PTPRN2: variants seen among roughly 807,000 people sequenced by gnomAD.
PTPRN2 encodes receptor-type tyrosine-protein phosphatase N2.
PTPRN2 carries 74 observed loss-of-function variants against 118.8 expected under a neutral mutation model. That is an observed-to-expected ratio of 0.62 (90% CI 0.52 to 0.76). The LOEUF (loss-of-function observed/expected upper bound fraction) is 0.76. PTPRN2 is among the 30% of genes least tolerant of loss of function. The pLI is 0.00. For synonymous variants in PTPRN2, 641 were observed against 608.0 expected (o/e 1.05, Z -0.80); for missense variants, 1,481 against 1,394.4 (o/e 1.06, Z -0.99).
chr7:157,916,269 G>A (rs1470110097), intron 11 of PTPRN2, among the ~76,000 whole-genome samples: 1 of 152,180 alleles, frequency 6.6e-6, no homozygotes, highest in Non-Finnish European at 1.5e-5. Context: ...CTGGGTCAGA[G>A]GGTCTCACCC....
chr7:158,138,433 G>A lies in PTPRN2; in HGVS notation c.993C>T (p.Gly331=), dbSNP rs1327283778. ...VRGLSGLELD[G]MAELMAGLMQ... Reference sequence around the variant, plus strand: ...TCAGGCCAGCCATCAGCTCAGCCATGCCGTCCAGCTCCAGGCCACTCAGGC... The same window carrying A: ...TCAGGCCAGCCATCAGCTCAGCCATACCGTCCAGCTCCAGGCCACTCAGGC... The change falls in exon 7 of 23, where the codon GGC becomes GGT. Residue 331 remains glycine (G), a synonymous_variant. Transcript: ENST00000389418. The A allele has an allele frequency of 6.2e-7, 1 of 1,613,270 alleles. No homozygotes were observed. Among genetic ancestry groups the A allele is most frequent in the Non-Finnish European group, 8.5e-7 (1 of 1,179,932 alleles).
chr7:158,333,799 G>A (rs1483125949), intron 2 of PTPRN2, among the ~76,000 whole-genome samples: 1 of 142,442 alleles, frequency 7.0e-6, no homozygotes, highest in African/African-American at 2.6e-5. Context: ...CTCACCATAA[G>A]AGCTGAGGCC....
intron 11 of PTPRN2, among the ~76,000 whole-genome samples, chr7:157,900,368 T>C (rs1436364299): frequency 6.6e-6 from 1 of 152,228 alleles, no homozygotes; most frequent in Admixed American, 6.5e-5. Context: ...CAGACTGTGG[T>C]TGCCAAGAGG....
chr7:157,605,996 C>T (rs1348477324), intron 15 of PTPRN2, among the ~76,000 whole-genome samples: 1 of 152,210 alleles, frequency 6.6e-6, no homozygotes, highest in African/African-American at 2.4e-5. Context: ...ATTCATGGCA[C>T]CCAGGCTGTT....
rs997258361 is a variant in PTPRN2 at position 158,555,156 on chromosome 7, C to T, written c.112+32402G>A. Among the ~76,000 whole-genome samples the T allele has an allele frequency of 6.6e-6, 1 of 152,166 alleles. No individual in the cohort carries two copies. The highest frequency in any genetic ancestry group is 1.5e-5 in the Non-Finnish European group (1 of 68,026). On this transcript the variant is annotated intron_variant, in intron 1 of 22. Coordinates refer to ENST00000389418, the MANE Select transcript of PTPRN2 (RefSeq NM_002847.5). This position sits in a 1 kb window ranked among gnomAD's most constrained non-coding sequence, Gnocchi z 4.7. Reference sequence around the variant, plus strand: ...TGAGAACAAACGGATCTCCGGTGCTCAGCAGACTGATCTACTGCAAATCAC... The same window carrying T: ...TGAGAACAAACGGATCTCCGGTGCTTAGCAGACTGATCTACTGCAAATCAC...
chr7:157,962,024 A>T (rs1475790228), intron 11 of PTPRN2, among the ~76,000 whole-genome samples: 1 of 152,164 alleles, frequency 6.6e-6, no homozygotes, highest in Non-Finnish European at 1.5e-5. Flanking sequence ...CCTGCTGAAG[A>T]GGCCTCAGTG....
At chr7:158,150,006 A>T (rs1465895458) in intron 6 of PTPRN2, among the ~76,000 whole-genome samples, 3 of 152,258 alleles carry the variant, frequency 2.0e-5, no homozygotes, top group African/African-American at 7.2e-5. Flanking sequence ...CTCATTACAG[A>T]CACATCAGAT....
In PTPRN2 at chr7:157,990,344, G is replaced by A. The variant is rs539497731; in HGVS notation, c.1723+90954C>T. On this transcript the variant is annotated intron_variant, in intron 11 of 22. Coordinates refer to ENST00000389418, the MANE Select transcript of PTPRN2 (RefSeq NM_002847.5). This position sits in a 1 kb window ranked among gnomAD's most constrained non-coding sequence, Gnocchi z 4.3. Reference sequence around the variant, plus strand: ...GCACAGAGGGGAGGGACGGGGACAGGTGCAGCAGAGATTGGGCACGGGCCA... The same window carrying A: ...GCACAGAGGGGAGGGACGGGGACAGATGCAGCAGAGATTGGGCACGGGCCA... Among the ~76,000 whole-genome samples, 4 of 152,160 alleles carry A rather than the reference G, an allele frequency of 2.6e-5. No individual in the cohort carries two copies. Among genetic ancestry groups the A allele is most frequent in the Non-Finnish European group, 5.9e-5 (4 of 68,022 alleles).
chr7:158,331,746 GTCAC>G lies in PTPRN2; in HGVS notation c.164-14818_164-14815del, dbSNP rs1159110389. On this transcript the variant is annotated intron_variant, in intron 2 of 22. Transcript: ENST00000389418. ...ACCATAAGAGCTGACACCTGCAGACGTCACTCAAACTCACACTCTCACCATAAGA... is the reference window on the plus strand; with the variant it reads ...ACCATAAGAGCTGACACCTGCAGACGTCAAACTCACACTCTCACCATAAGA... 3.7e-4 allele frequency among the ~76,000 whole-genome samples: 55 copies of G among 150,488 alleles called. No individual in the cohort carries two copies. In the East Asian group the frequency reaches 5.1e-3, roughly 14 times the overall value.
chr7:158,046,830 T>C (rs748537291), intron 11 of PTPRN2, among the ~76,000 whole-genome samples: 5 of 152,182 alleles, frequency 3.3e-5, no homozygotes, highest in Non-Finnish European at 7.3e-5. Flanking sequence ...CATCTGCCAT[T>C]GAGGCGCCGA....
At chr7:157,566,219 G>T (rs1799479093) in intron 21 of PTPRN2, among the ~76,000 whole-genome samples, 1 of 152,260 alleles carries the variant, frequency 6.6e-6, no homozygotes, top group South Asian at 2.1e-4. Flanking sequence ...GACTGCCCGG[G>T]AAGCTTGGGA....
At position 157,888,117 on chromosome 7, in the gene PTPRN2, C is replaced by T. The variant is rs113654129; in HGVS notation, c.1788+10556G>A. On this transcript the variant is annotated intron_variant, in intron 12 of 22. Coordinates refer to ENST00000389418, the MANE Select transcript of PTPRN2 (RefSeq NM_002847.5). ...CCCTGGTTTTTCTTGGGCTCACGGA[C>T]GGTCTGAGATTGCTGGAGTGTTACA... Among the ~76,000 whole-genome samples the T allele has an allele frequency of 1.1e-3, 162 of 151,896 alleles. 1 individual carries two copies. Among genetic ancestry groups the T allele is most frequent in the African/African-American group, 3.5e-3 (145 of 41,398 alleles).
At chr7:158,410,717 A>G (rs1433924872) in intron 2 of PTPRN2, among the ~76,000 whole-genome samples, 1 of 152,252 alleles carries the variant, frequency 6.6e-6, no homozygotes, top group Non-Finnish European at 1.5e-5. Flanking sequence ...TCATTATTGA[A>G]GGACCTTGAG....
intron 11 of PTPRN2, among the ~76,000 whole-genome samples, chr7:157,917,393 G>C (rs1438851555): frequency 6.6e-6 from 1 of 152,230 alleles, no homozygotes; most frequent in Non-Finnish European, 1.5e-5. Flanking sequence ...TTCCAAGAAA[G>C]GTTCTTCAGC....
intron 12 of PTPRN2, among the ~76,000 whole-genome samples, chr7:157,710,733 G>A (rs1238675727): frequency 2.0e-5 from 3 of 151,934 alleles, no homozygotes; most frequent in African/African-American, 2.4e-5. Context: ...GGGCACAGGT[G>A]CCCTTGCGCC....
chr7:158,370,014 C>T (rs974685805), intron 2 of PTPRN2, among the ~76,000 whole-genome samples: 3 of 152,152 alleles, frequency 2.0e-5, no homozygotes, highest in African/African-American at 7.2e-5. Flanking sequence ...GAAGTCACCT[C>T]AGTCACACGA....
intron 2 of PTPRN2, among the ~76,000 whole-genome samples, chr7:158,363,450 A>G (rs989702420): frequency 1.3e-5 from 2 of 152,108 alleles, no homozygotes; most frequent in African/African-American, 4.8e-5. Flanking sequence ...AACTCAGCCC[A>G]CAGCTCTGAA....
chr7:157,575,389 C>T (rs1409068540), intron 19 of PTPRN2, among the ~76,000 whole-genome samples: 1 of 152,132 alleles, frequency 6.6e-6, no homozygotes, highest in Non-Finnish European at 1.5e-5. Context: ...AGGATGTACT[C>T]AGGACTCTGG....
chr7:158,179,703 A>T (rs1274066041), intron 5 of PTPRN2, among the ~76,000 whole-genome samples: 1 of 152,160 alleles, frequency 6.6e-6, no homozygotes, highest in Non-Finnish European at 1.5e-5. Context: ...ACTCAACTTC[A>T]GAGGCCGGGC....
Sources: gnomAD v4.1 joint callset for allele counts (sites outside exome capture counted in the v4.1 genomes callset) on GRCh38, gnomAD v4.1.1 for gene constraint, Gnocchi (gnomAD v3.1) non-coding constraint, MANE v1.5 for transcripts, NCBI Gene and HGNC (gene_info 2026-07-23, HGNC 2026-07-21) for gene names.